Variants in ALOXE3 observed in about 807,000 individuals in gnomAD.
ALOXE3 encodes arachidonate epidermal lipoxygenase 3, also known as hydroperoxide isomerase ALOXE3.
ALOXE3 carries 78 observed loss-of-function variants against 87.5 expected under a neutral mutation model. The observed-to-expected ratio is 0.89, with a 90% confidence interval of 0.74 to 1.08. The LOEUF (loss-of-function observed/expected upper bound fraction) is 1.08, where lower values mean the gene tolerates loss of function less well. ALOXE3 is among the 50% of genes least tolerant of loss of function. ALOXE3 has a pLI of 0.00. For missense variants in ALOXE3, 946 were observed against 912.4 expected (o/e 1.04, Z -0.47); for synonymous variants, 363 against 370.8 (o/e 0.98, Z 0.24).
At chr17:8,097,789 C>T (rs898815975) in intron 15 of ALOXE3, among the ~76,000 whole-genome samples, 1 of 151,244 alleles carries the variant, frequency 6.6e-6, no homozygotes, top group African/African-American at 2.4e-5. Flanking sequence ...GCACTGTCGC[C>T]CAGGTTGGAG....
At chr17:8,114,905 C>A in intron 5 of ALOXE3, 33 bp downstream of exon 5, 1 of 1,613,482 alleles carries the variant, frequency 6.2e-7, no homozygotes, top group Non-Finnish European at 8.5e-7. Flanking sequence ...CACTTGACTT[C>A]CTTTCCCCTC....
intron 2 of ALOXE3, among the ~76,000 whole-genome samples, chr17:8,117,252 C>G (rs1212509971): frequency 6.6e-6 from 1 of 152,196 alleles, no homozygotes; most frequent in Non-Finnish European, 1.5e-5. Context: ...AACCGCTTCT[C>G]TACTAAAAAT....
At chr17:8,100,617 T>G (rs1254327413) in intron 15 of ALOXE3, among the ~76,000 whole-genome samples, 1 of 152,236 alleles carries the variant, frequency 6.6e-6, no homozygotes, top group African/African-American at 2.4e-5. Context: ...TTTTTTTCTT[T>G]TCTTTCTTAA....
chr17:8,112,582 C>T (rs1490362199), intron 6 of ALOXE3, among the ~76,000 whole-genome samples: 1 of 152,164 alleles, frequency 6.6e-6, no homozygotes, highest in Non-Finnish European at 1.5e-5. Context: ...TGGAGATCCC[C>T]ACCAGCCAGC....
Position 8,112,012 on chromosome 17 carries a change from G to A in ALOXE3, c.784+81C>T, listed in dbSNP as rs543725758. The A allele has an allele frequency of 7.0e-6, 9 of 1,289,174 alleles. No homozygotes were observed. The East Asian group carries it at 9.2e-5, about 13-fold the overall frequency. The allele number at this position is 1,289,174 out of a possible 1,614,324, so 79.9% of individuals were successfully genotyped here. On this transcript the variant is annotated intron_variant, in intron 7 of 15. Transcript: ENST00000448843. ...GTCTCCCTGGGAGGGCTGGGAGAGG[G>A]CCCTTTCCCAGGAAGGAGAGGAAGG...
intron 15 of ALOXE3, among the ~76,000 whole-genome samples, chr17:8,099,045 G>T (rs573529508): frequency 7.1e-6 from 1 of 141,664 alleles, no homozygotes; most frequent in Non-Finnish European, 1.5e-5. Flanking sequence ...TTTTTGGAGA[G>T]ACAAGGTCTC....
intron 13 of ALOXE3, among the ~76,000 whole-genome samples, chr17:8,107,637 A>G (rs1979420924): frequency 6.6e-6 from 1 of 151,622 alleles, no homozygotes; most frequent in South Asian, 2.1e-4. Flanking sequence ...GTCTCTACTA[A>G]AAACACAAAA....
chr17:8,107,917 GAA>G lies in ALOXE3; in HGVS notation c.1684+549_1684+550del, dbSNP rs1323413706. Among the ~76,000 whole-genome samples the G allele has an allele frequency of 3.3e-4, 2 of 6,030 alleles. 1 individual carries two copies. Among genetic ancestry groups the G allele is most frequent in the Non-Finnish European group, 1.1e-3 (2 of 1,836 alleles). 4.0% of individuals were successfully genotyped at this position (6,030 alleles called of 152,430 possible). ...AGAAAGAAAGAAAGAAAGAAAGAAA[GAA>G]AGAAAGAAAGAAAGAAAGAAAGAAA... On this transcript the variant is annotated intron_variant, in intron 13 of 15. Transcript: ENST00000448843.
chr17:8,117,885 G>A lies in ALOXE3; in HGVS notation c.106C>T (p.Gln36Ter). 1 of 1,611,900 alleles carries A rather than the reference G, an allele frequency of 6.2e-7. No homozygotes were observed. Among genetic ancestry groups the A allele is most frequent in the African/African-American group, 1.3e-5 (1 of 74,992 alleles). ...LVGTCGESPK[Q>*]RLDRMGRDFA... is the part of the protein sequence containing the mutation. The stretch of plus-strand genomic sequence containing the variant: ...TCCCTGCCCATTCGATCTAGCCGCT[G>A]CTTGGGGCTTTCACCACACGTGCCC... Residue 36 changes from glutamine to a stop codon, truncating the protein, a stop_gained, in exon 2 of 16, where the codon CAG becomes TAG. Coordinates refer to ENST00000448843, the MANE Select transcript of ALOXE3 (RefSeq NM_021628.3). LOFTEE classifies it high-confidence loss of function.
chr17:8,110,411 C>A lies in ALOXE3; in HGVS notation c.1075G>T (p.Gly359Trp), dbSNP rs763297689. Residue 359 changes from glycine to tryptophan, a missense_variant, in exon 9 of 16, where the codon GGG becomes TGG. Physicochemically the swap from Gly to Trp is radical, Grantham distance 184. Transcript: ENST00000448843. Reference sequence around the variant, plus strand: ...TGGATGGCCAAGGGCACCAGCGCCCCCTGGGGGCTGAGCCACAGCAGGCAC... The same window carrying A: ...TGGATGGCCAAGGGCACCAGCGCCCACTGGGGGCTGAGCCACAGCAGGCAC... ...PLCLLWLSPQ[G>W]ALVPLAIQLS... 6.2e-7 allele frequency: 1 copy of A among 1,610,344 alleles called. No individual in the cohort carries two copies. The highest frequency in any genetic ancestry group is 8.5e-7 in the Non-Finnish European group (1 of 1,178,024).
At chr17:8,104,495 T>C (rs1293326689) in intron 13 of ALOXE3, among the ~76,000 whole-genome samples, 2 of 152,322 alleles carry the variant, frequency 1.3e-5, no homozygotes, top group East Asian at 1.9e-4. Flanking sequence ...TGCCTCTCCC[T>C]GACTTCCAAG....
At position 8,104,098 on chromosome 17, in the gene ALOXE3, G is replaced by T. The variant is rs3027288; in HGVS notation, c.1785+17C>A. The T allele has an allele frequency of 0.065, 104,685 of 1,609,078 alleles. 7,965 individuals are homozygous for T. The highest frequency in any genetic ancestry group is 0.42 in the East Asian group (18,603 of 44,744). On this transcript the variant is annotated intron_variant, in intron 14 of 15. Coordinates refer to ENST00000448843, the MANE Select transcript of ALOXE3 (RefSeq NM_021628.3). ...GCTGAGACCTGATGTCCCCAGGCCT[G>T]CCCTTTGTAGCCTCACCTGCCCACT...
intron 6 of ALOXE3, 152 bp downstream of exon 6, chr17:8,114,332 G>T: frequency 9.2e-7 from 1 of 1,091,768 alleles, no homozygotes; most frequent in South Asian, 1.3e-5. Flanking sequence ...AGGGAAGACT[G>T]TGGGGCAGGG....
intron 6 of ALOXE3, 103 bp from the exon 7 acceptor site, chr17:8,112,299 G>T (rs1980165977): frequency 2.4e-6 from 2 of 839,274 alleles, no homozygotes; most frequent in Non-Finnish European, 4.1e-6. Context: ...TCCATCCCCA[G>T]AGTAGAGATG....
chr17:8,104,230 G>T lies in ALOXE3; in HGVS notation c.1685-15C>A, dbSNP rs750744188. 1.2e-6 allele frequency: 2 copies of T among 1,601,886 alleles called. No individual in the cohort carries two copies. The highest frequency in any genetic ancestry group is 2.2e-5 in the South Asian group (2 of 90,804). On this transcript the variant is annotated splice_polypyrimidine_tract_variant and intron_variant, in intron 13 of 15. Transcript: ENST00000448843. ...GCTTGGGAAACCTGGGTGTGGGGAG[G>T]AAGGGTAGAGGGTGTGGATGGAAGG...
Position 8,114,832 on chromosome 17 carries a change from A to G in ALOXE3, c.554+106T>C, listed in dbSNP as rs905509514. On this transcript the variant is annotated intron_variant, in intron 5 of 15. Transcript: ENST00000448843. ...CATCCTGATGCTTGAATGAAACTGC[A>G]TTGTCATAGACCCCTACCCCTCCTT... 1.4e-5 allele frequency: 21 copies of G among 1,545,706 alleles called. No homozygotes were observed. In the Admixed American group the frequency reaches 3.3e-4, roughly 25 times the overall value.
rs559122751 is a variant in ALOXE3 at position 8,107,579 on chromosome 17, C to T, written c.1684+889G>A. Among the ~76,000 whole-genome samples, 10 of 151,866 alleles carry T rather than the reference C, an allele frequency of 6.6e-5. No individual in the cohort carries two copies. In the East Asian group the frequency reaches 2.0e-3, roughly 30 times the overall value. ...CTTTGGGAGGCTGAGGCGGGCGGAT[C>T]ATGAGGTCAGGAGATCGAGACCATC... On this transcript the variant is annotated intron_variant, in intron 13 of 15. Transcript: ENST00000448843.
rs539623927 is a variant in ALOXE3 at position 8,104,457 on chromosome 17, G to A, written c.1685-242C>T. On this transcript the variant is annotated intron_variant, in intron 13 of 15. Coordinates refer to ENST00000448843, the MANE Select transcript of ALOXE3 (RefSeq NM_021628.3). ...TCCCCGGCAGGCAGGGCCAATGACA[G>A]AGGCAGCTTCAAGCCCAAGTGCCCA... Among the ~76,000 whole-genome samples the A allele has an allele frequency of 4.6e-5, 7 of 152,298 alleles. No individual in the cohort carries two copies. In the South Asian group the frequency reaches 1.5e-3, roughly 32 times the overall value.
chr17:8,096,393 G>T lies in ALOXE3; in HGVS notation c.*234C>A, dbSNP rs1598190147. ...TCCTTCCTTTCGGAGGGGCTATTGT[G>T]CATTGGACTTTGGTCAGCGGCTTTT... On this transcript the variant is annotated 3_prime_UTR_variant, in exon 16 of 16. Transcript: ENST00000448843. 4 of 558,538 alleles carry T rather than the reference G, an allele frequency of 7.2e-6. No individual in the cohort carries two copies. The East Asian group carries it at 1.2e-4, about 17-fold the overall frequency. 34.6% of individuals were successfully genotyped at this position (558,538 alleles called of 1,614,324 possible). A position where few individuals can be genotyped will look rare whatever the true frequency, so the allele number is the denominator to read the frequency against.
Sources: gnomAD v4.1 joint callset for allele counts (sites outside exome capture counted in the v4.1 genomes callset) on GRCh38, gnomAD v4.1.1 for gene constraint, MANE v1.5 for transcripts, NCBI Gene and HGNC (gene_info 2026-07-23, HGNC 2026-07-21) for gene names.